The following SPDYE6 variants were observed in gnomAD, a reference collection of about 807,000 sequenced individuals.
SPDYE6 encodes the protein speedy protein E6.
For missense variants in SPDYE6, 8 were observed against 297.9 expected, an observed-to-expected ratio of 0.03 and a Z score of 7.16; for synonymous variants, 2 against 103.0, an observed-to-expected ratio of 0.02 and a Z score of 5.94.
rs180746871 is a variant in SPDYE6, at chr7:102,346,062, A to G, written c.*1205T>C. On this transcript the variant is annotated 3_prime_UTR_variant, in exon 8 of 8. Transcript: ENST00000563237. ...TTCAGCAGCACGTGTAATAATAGAT[A>G]CAAAGATTGAAAGGTAAAAGATTTA... Among the ~76,000 whole-genome samples, 107 of 151,786 alleles carry G rather than the reference A, an allele frequency of 7.0e-4. No homozygotes were observed. Among genetic ancestry groups the G allele is most frequent in the African/African-American group, 2.4e-3 (101 of 41,492 alleles).
Position 102,345,845 on chromosome 7 carries a change from C to T in SPDYE6, c.*1422G>A, listed in dbSNP as rs1426956282. On this transcript the variant is annotated 3_prime_UTR_variant, in exon 8 of 8. Coordinates refer to ENST00000563237, the MANE Select transcript of SPDYE6 (RefSeq NM_001146210.4). ...ACACAGCTCATGTCCTCCTTTAGAACACACATTCTCTTTAAAGTAATATAC... is the reference window on the plus strand; with the variant it reads ...ACACAGCTCATGTCCTCCTTTAGAATACACATTCTCTTTAAAGTAATATAC... 1.3e-5 allele frequency among the ~76,000 whole-genome samples: 2 copies of T among 152,172 alleles called. No homozygotes were observed. The highest frequency in any genetic ancestry group is 2.9e-5 in the Non-Finnish European group (2 of 68,032).
intron 2 of SPDYE6, among the ~76,000 whole-genome samples, chr7:102,354,030 C>CTTCT (rs1563585525): frequency 3.1e-5 from 1 of 32,416 alleles, no homozygotes; most frequent in Non-Finnish European, 5.8e-5. Context: ...CCCTTCCTTC[C>CTTCT]TTTTTTTTTT....
rs1410808899 is a variant in SPDYE6 at position 102,353,649 on chromosome 7, T to TG, written c.380-262_380-261insC. ...GCTCTCTGAGTCCCTTTTTTTTTTT[T>TG]TTTTTTTCGTTGTTGTTGTCGTTGT... On this transcript the variant is annotated intron_variant, in intron 2 of 7. Coordinates refer to ENST00000563237, the MANE Select transcript of SPDYE6 (RefSeq NM_001146210.4). 3.8e-4 allele frequency among the ~76,000 whole-genome samples: 56 copies of TG among 148,344 alleles called. No homozygotes were observed. The South Asian group carries it at 7.7e-3, about 20-fold the overall frequency.
rs1458975730 is a variant in SPDYE6 at position 102,354,033 on chromosome 7, T to C, written c.380-645A>G. 4.4e-4 allele frequency among the ~76,000 whole-genome samples: 22 copies of C among 49,540 alleles called. 1 individual carries two copies. Among genetic ancestry groups the C allele is most frequent in the East Asian group, 3.2e-3 (6 of 1,856 alleles). The allele number at this position is 49,540 out of a possible 152,430, so 32.5% of individuals were successfully genotyped here. On this transcript the variant is annotated intron_variant, in intron 2 of 7. Coordinates refer to ENST00000563237, the MANE Select transcript of SPDYE6 (RefSeq NM_001146210.4). ...CTGACTTCTGGGCCCTTCCTTCCTT[T>C]TTTTTTTTTTTTTTGAGACAGCGTC...
In SPDYE6 at chr7:102,346,047, C is replaced by T. The variant is rs1347683343; in HGVS notation, c.*1220G>A. 1.3e-5 allele frequency among the ~76,000 whole-genome samples: 2 copies of T among 151,364 alleles called. No homozygotes were observed. Among genetic ancestry groups the T allele is most frequent in the Non-Finnish European group, 2.9e-5 (2 of 67,898 alleles). ...AAAATCCATGCTCCCTTCAGCAGCACGTGTAATAATAGATACAAAGATTGA... is the reference window on the plus strand; with the variant it reads ...AAAATCCATGCTCCCTTCAGCAGCATGTGTAATAATAGATACAAAGATTGA... On this transcript the variant is annotated 3_prime_UTR_variant, in exon 8 of 8. Transcript: ENST00000563237.
rs1253937810 is a variant in SPDYE6 at position 102,345,749 on chromosome 7, C to T, written c.*1518G>A. Reference sequence around the variant, plus strand: ...ATCCAGACCAATATGATCACAATTGCTGTGAAGGTGAGAAAAGTTCATTTT... The same window carrying T: ...ATCCAGACCAATATGATCACAATTGTTGTGAAGGTGAGAAAAGTTCATTTT... On this transcript the variant is annotated 3_prime_UTR_variant, in exon 8 of 8. Coordinates refer to ENST00000563237, the MANE Select transcript of SPDYE6 (RefSeq NM_001146210.4). Among the ~76,000 whole-genome samples, 1 of 152,010 alleles carries T rather than the reference C, an allele frequency of 6.6e-6. No individual in the cohort carries two copies. The highest frequency in any genetic ancestry group is 1.5e-5 in the Non-Finnish European group (1 of 68,012).
At position 102,346,614 on chromosome 7, in the gene SPDYE6, CTT is replaced by C. The variant is rs1554562077; in HGVS notation, c.*651_*652del. 6.6e-6 allele frequency among the ~76,000 whole-genome samples: 1 copy of C among 151,374 alleles called. No individual in the cohort carries two copies. Among genetic ancestry groups the C allele is most frequent in the Non-Finnish European group, 1.5e-5 (1 of 67,846 alleles). ...AATATTTAGGATAAAAGAATTGTCTCTTAAAAATGAAAAGAAAATTAGCTTTA... is the reference window on the plus strand; with the variant it reads ...AATATTTAGGATAAAAGAATTGTCTCAAAAATGAAAAGAAAATTAGCTTTA... On this transcript the variant is annotated 3_prime_UTR_variant, in exon 8 of 8. Coordinates refer to ENST00000563237, the MANE Select transcript of SPDYE6 (RefSeq NM_001146210.4).
Position 102,346,586 on chromosome 7 carries a change from T to C in SPDYE6, c.*681A>G, listed in dbSNP as rs1420489946. On this transcript the variant is annotated 3_prime_UTR_variant, in exon 8 of 8. Transcript: ENST00000563237. ...AATACAGAAACAAATTTAAAGATAATAAAATATTTAGGATAAAAGAATTGT... is the reference window on the plus strand; with the variant it reads ...AATACAGAAACAAATTTAAAGATAACAAAATATTTAGGATAAAAGAATTGT... Among the ~76,000 whole-genome samples the C allele has an allele frequency of 2.6e-5, 4 of 151,642 alleles. No individual in the cohort carries two copies. Among genetic ancestry groups the C allele is most frequent in the Non-Finnish European group, 5.9e-5 (4 of 67,892 alleles).
intron 4 of SPDYE6, among the ~76,000 whole-genome samples, chr7:102,351,634 G>A (rs1343911537): frequency 2.1e-5 from 2 of 94,458 alleles, no homozygotes; most frequent in Admixed American, 1.2e-4. Flanking sequence ...GGGCACAGTG[G>A]CTGACGTCTA....
chr7:102,350,855 T>C, intron 4 of SPDYE6, 42 bp from the exon 5 acceptor site: 1 of 1,231,894 alleles, frequency 8.1e-7, no homozygotes, highest in South Asian at 1.2e-5. Flanking sequence ...AGGTCACATC[T>C]TGGAAGAGGA....
chr7:102,346,147 G>A lies in SPDYE6; in HGVS notation c.*1120C>T, dbSNP rs1375754056. On this transcript the variant is annotated 3_prime_UTR_variant, in exon 8 of 8. Transcript: ENST00000563237. ...AAATTATATGTATGTGTATATAACAGTTATAATACCCATCACACAGCTTTG... is the reference window on the plus strand; with the variant it reads ...AAATTATATGTATGTGTATATAACAATTATAATACCCATCACACAGCTTTG... Among the ~76,000 whole-genome samples the A allele has an allele frequency of 6.6e-6, 1 of 150,606 alleles. No homozygotes were observed. The highest frequency in any genetic ancestry group is 1.5e-5 in the Non-Finnish European group (1 of 67,730).
chr7:102,353,646 T>TG (rs1286484357), intron 2 of SPDYE6, among the ~76,000 whole-genome samples: 4 of 148,968 alleles, frequency 2.7e-5, no homozygotes, highest in South Asian at 4.4e-4. Flanking sequence ...CCTTTTTTTT[T>TG]TTTTTTTTTT....
rs1475456438 is a variant in SPDYE6, at chr7:102,345,991, G to T, written c.*1276C>A. ...GGGGAACTACTACATAGCTATAAATGTAATATATATGTTAACTAAGTATCA... is the reference window on the plus strand; with the variant it reads ...GGGGAACTACTACATAGCTATAAATTTAATATATATGTTAACTAAGTATCA... On this transcript the variant is annotated 3_prime_UTR_variant, in exon 8 of 8. Transcript: ENST00000563237. Among the ~76,000 whole-genome samples the T allele has an allele frequency of 6.6e-6, 1 of 151,672 alleles. No individual in the cohort carries two copies. The highest frequency in any genetic ancestry group is 6.6e-5 in the Admixed American group (1 of 15,220).
rs1247683389 is a variant in SPDYE6, at chr7:102,346,310, C to A, written c.*957G>T. ...AAAATAATATTTAAATAATTCTATA[C>A]CCATGTTTTTCAAAATAAACCAATA... On this transcript the variant is annotated 3_prime_UTR_variant, in exon 8 of 8. Coordinates refer to ENST00000563237, the MANE Select transcript of SPDYE6 (RefSeq NM_001146210.4). Among the ~76,000 whole-genome samples the A allele has an allele frequency of 7.7e-6, 1 of 130,662 alleles. No individual in the cohort carries two copies. The highest frequency in any genetic ancestry group is 1.7e-5 in the Non-Finnish European group (1 of 60,248). 85.7% of individuals were successfully genotyped at this position (130,662 alleles called of 152,430 possible). A position where few individuals can be genotyped will look rare whatever the true frequency, so the allele number is the denominator to read the frequency against.
intron 2 of SPDYE6, among the ~76,000 whole-genome samples, chr7:102,353,752 C>T (rs1391537704): frequency 4.0e-3 from 564 of 142,180 alleles, no homozygotes; most frequent in African/African-American, 0.014. Flanking sequence ...CAACCTCTGC[C>T]TCCCGGGTTC....
intron 3 of SPDYE6, among the ~76,000 whole-genome samples, chr7:102,352,351 C>G (rs1554562627): frequency 6.7e-6 from 1 of 148,598 alleles, no homozygotes; most frequent in Non-Finnish European, 1.5e-5. Context: ...TGAGAATCTA[C>G]AGGATGTAGA....
intron 4 of SPDYE6, among the ~76,000 whole-genome samples, chr7:102,351,623 C>T (rs1364355382): frequency 1.1e-5 from 1 of 93,476 alleles, no homozygotes; most frequent in Admixed American, 1.3e-4. Flanking sequence ...GGGAGCTGGT[C>T]GGGCACAGTG....
Position 102,354,838 on chromosome 7 carries a change from GCTC to G in SPDYE6, c.241_243del (p.Glu81del). 1 of 353,634 alleles carries G rather than the reference GCTC, an allele frequency of 2.8e-6. No individual in the cohort carries two copies. Among genetic ancestry groups the G allele is most frequent in the Non-Finnish European group, 4.2e-6 (1 of 236,528 alleles). The allele number at this position is 353,634 out of a possible 1,614,324, so 21.9% of individuals were successfully genotyped here. A position where few individuals can be genotyped will look rare whatever the true frequency, so the allele number is the denominator to read the frequency against. On this transcript the variant is annotated inframe_deletion, in exon 2 of 8. Transcript: ENST00000563237. ...GGCTCAGGGGCGAGCTCCTTCTCCG[GCTC>G]CTCCTCAGATTCATCTGACCACTCC...
Position 102,346,554 on chromosome 7 carries a change from A to G in SPDYE6, c.*713T>C, listed in dbSNP as rs1465816931. On this transcript the variant is annotated 3_prime_UTR_variant, in exon 8 of 8. Coordinates refer to ENST00000563237, the MANE Select transcript of SPDYE6 (RefSeq NM_001146210.4). ...AAAAGAGTGCTCGCTTCAGGAGCACATATAATAATACAGAAACAAATTTAA... is the reference window on the plus strand; with the variant it reads ...AAAAGAGTGCTCGCTTCAGGAGCACGTATAATAATACAGAAACAAATTTAA... 3.3e-5 allele frequency among the ~76,000 whole-genome samples: 5 copies of G among 151,692 alleles called. No homozygotes were observed. The highest frequency in any genetic ancestry group is 1.2e-4 in the African/African-American group (5 of 41,426).
Sources: gnomAD v4.1 joint callset for allele counts (sites outside exome capture counted in the v4.1 genomes callset) on GRCh38, gnomAD v4.1.1 for gene constraint, MANE v1.5 for transcripts, NCBI Gene and HGNC (gene_info 2026-07-23, HGNC 2026-07-21) for gene names.